The following FTO variants were observed in gnomAD, a reference collection of about 807,000 sequenced individuals.
The protein encoded by FTO is alpha-ketoglutarate-dependent dioxygenase FTO.
Under a neutral mutation model 63.9 loss-of-function variants are expected in FTO, and 47 were observed. The observed-to-expected ratio is 0.74, with a 90% confidence interval of 0.58 to 0.94. FTO has a LOEUF of 0.94. FTO is among the 40% of genes least tolerant of loss of function. The probability of loss-of-function intolerance (pLI) is 0.00; values close to 1 mark genes in which losing one functional copy is unlikely to be tolerated. For missense variants in FTO, 562 were observed against 618.1 expected, an observed-to-expected ratio of 0.91 and a Z score of 0.96; for synonymous variants, 207 against 224.4, an observed-to-expected ratio of 0.92 and a Z score of 0.69.
At chr16:53,852,101 CAAAAA>C (rs57004473) in intron 4 of FTO, among the ~76,000 whole-genome samples, 11 of 54,444 alleles carry the variant, frequency 2.0e-4, no homozygotes, top group African/African-American at 6.5e-4. Flanking sequence ...ACAAAAAATA[CAAAAA>C]AAAAAAAAAA....
At chr16:53,958,284 G>C (rs931031079) in intron 8 of FTO, among the ~76,000 whole-genome samples, 1 of 152,214 alleles carries the variant, frequency 6.6e-6, no homozygotes, top group Non-Finnish European at 1.5e-5. Flanking sequence ...CCCCAGAAAG[G>C]GATGTAGAGG....
intron 8 of FTO, among the ~76,000 whole-genome samples, chr16:54,023,593 TG>T (rs2084648045): frequency 6.6e-6 from 1 of 152,210 alleles, no homozygotes; most frequent in Non-Finnish European, 1.5e-5. Flanking sequence ...AGCCTTCCGT[TG>T]CTAAGCCTCC....
At chr16:53,839,771 TTTTTTTTATTTATTTA>T (rs1215669555) in intron 3 of FTO, among the ~76,000 whole-genome samples, 12,244 of 49,586 alleles carry the variant, frequency 0.25, 1,228 homozygotes, top group East Asian at 0.53. Context: ...TTGGTTTTCT[TTTTTTTTATTTATTTA>T]TTTATTTATT....
At chr16:53,772,006 A>T (rs1168344797) in intron 1 of FTO, among the ~76,000 whole-genome samples, 1 of 152,108 alleles carries the variant, frequency 6.6e-6, no homozygotes, top group Non-Finnish European at 1.5e-5. Flanking sequence ...CTTTTGTGGT[A>T]GTGAAAATGT....
intron 2 of FTO, among the ~76,000 whole-genome samples, chr16:53,822,503 A>G (rs1246408497): frequency 6.6e-6 from 1 of 152,124 alleles, no homozygotes; most frequent in Non-Finnish European, 1.5e-5. Context: ...AAATACTCTC[A>G]CTGTGGACAG....
At chr16:53,753,821 T>G (rs2076854826) in intron 1 of FTO, among the ~76,000 whole-genome samples, 1 of 152,234 alleles carries the variant, frequency 6.6e-6, no homozygotes. Flanking sequence ...TGAAGCTTTG[T>G]CCTATCACAT....
Position 53,763,393 on chromosome 16 carries a change from C to T in FTO, c.46-46747C>T, listed in dbSNP as rs78002854. 5.8e-3 allele frequency among the ~76,000 whole-genome samples: 888 copies of T among 152,130 alleles called. 8 individuals are homozygous for T. Among genetic ancestry groups the T allele is most frequent in the African/African-American group, 0.021 (855 of 41,512 alleles). On this transcript the variant is annotated intron_variant, in intron 1 of 8. Transcript: ENST00000471389. The stretch of plus-strand genomic sequence containing the variant: ...TTACTCGTGGTTTATTTTAAAAACC[C>T]GCAGATTGTGTTTGGGAGATATTTT...
At chr16:53,828,320 C>G in intron 3 of FTO, among the ~76,000 whole-genome samples, 1 of 152,084 alleles carries the variant, frequency 6.6e-6, no homozygotes, top group Non-Finnish European at 1.5e-5. Flanking sequence ...CCCAGGTTCA[C>G]GCCATTCTTC....
intron 8 of FTO, among the ~76,000 whole-genome samples, chr16:54,014,859 T>C (rs1336387204): frequency 4.1e-5 from 6 of 146,222 alleles, no homozygotes; most frequent in Non-Finnish European, 9.1e-5. Context: ...TCTTTTTTTT[T>C]TTTTTTTTTT....
At chr16:53,950,174 A>AAAAAAAAAAAAAAAAAAAAAAAAAC (rs2082753447) in intron 8 of FTO, among the ~76,000 whole-genome samples, 1 of 133,284 alleles carries the variant, frequency 7.5e-6, no homozygotes, top group Non-Finnish European at 1.7e-5. Context: ...AAAAAAAAAA[A>AAAAAAAAAAAAAAAAAAAAAAAAAC]AAAAACTTAA....
intron 7 of FTO, among the ~76,000 whole-genome samples, chr16:53,901,483 A>G (rs1342526086): frequency 1.3e-5 from 2 of 152,188 alleles, no homozygotes; most frequent in African/African-American, 4.8e-5. Flanking sequence ...TTCATGAGCT[A>G]TTTGATTTGG....
At chr16:53,840,006 T>C (rs2079427228) in intron 3 of FTO, among the ~76,000 whole-genome samples, 2 of 151,982 alleles carry the variant, frequency 1.3e-5, no homozygotes, top group Admixed American at 1.3e-4. Context: ...GGTTTCACCA[T>C]GTTGGCCAGG....
chr16:54,018,070 T>G, intron 8 of FTO, among the ~76,000 whole-genome samples: 1 of 152,062 alleles, frequency 6.6e-6, no homozygotes, highest in Non-Finnish European at 1.5e-5. Context: ...ATCATCATCA[T>G]TATTCTAGTA....
intron 8 of FTO, among the ~76,000 whole-genome samples, chr16:54,004,753 T>C (rs1340780163): frequency 6.6e-6 from 1 of 152,152 alleles, no homozygotes. Context: ...GATGAAGCTA[T>C]CTGTGTAGCT....
chr16:53,813,602 T>G (rs1415280011), intron 2 of FTO, among the ~76,000 whole-genome samples: 1 of 152,162 alleles, frequency 6.6e-6, no homozygotes, highest in African/African-American at 2.4e-5. Context: ...AAATACTTTT[T>G]AATGACATGA....
intron 8 of FTO, among the ~76,000 whole-genome samples, chr16:53,947,963 G>A (rs1431084736): frequency 1.3e-5 from 2 of 152,134 alleles, no homozygotes; most frequent in African/African-American, 4.8e-5. Flanking sequence ...GTCAGAGAGG[G>A]TGTGTTAAGA....
chr16:54,109,419 C>T (rs1258361269), intron 8 of FTO, among the ~76,000 whole-genome samples: 1 of 152,238 alleles, frequency 6.6e-6, no homozygotes, highest in Non-Finnish European at 1.5e-5. Context: ...CAACCTCCGC[C>T]TCCTGGGTCC....
chr16:53,948,016 C>T (rs1053868982), intron 8 of FTO, among the ~76,000 whole-genome samples: 5 of 152,028 alleles, frequency 3.3e-5, no homozygotes, highest in African/African-American at 4.8e-5. Context: ...GTTTGAGTGA[C>T]GCGTACACAA....
chr16:53,798,343 C>G (rs558812805), intron 1 of FTO, among the ~76,000 whole-genome samples: 8 of 152,202 alleles, frequency 5.3e-5, no homozygotes, highest in African/African-American at 1.9e-4. Flanking sequence ...ACAAAAAAAA[C>G]CTGCAGGGAT....
Sources: gnomAD v4.1 joint callset for allele counts (sites outside exome capture counted in the v4.1 genomes callset) on GRCh38, gnomAD v4.1.1 for gene constraint, MANE v1.5 for transcripts, NCBI Gene and HGNC (gene_info 2026-07-23, HGNC 2026-07-21) for gene names.